CAND2: variants seen among roughly 807,000 people sequenced by gnomAD.
The protein encoded by CAND2 is cullin-associated NEDD8-dissociated protein 2.
In CAND2, 62 loss-of-function variants were observed where a neutral mutation model predicts 98.9. The ratio of observed to expected loss-of-function variants is 0.63; its 90% confidence interval spans 0.51 to 0.77. The LOEUF (loss-of-function observed/expected upper bound fraction) is 0.77, where lower values mean the gene tolerates loss of function less well. Ranked by LOEUF, CAND2 falls within the 30% of genes least tolerant of loss-of-function variation. CAND2 has a pLI of 0.00. For synonymous variants in CAND2, 770 were observed against 731.9 expected (o/e 1.05, Z -0.84); for missense variants, 1,501 against 1,655.2 (o/e 0.91, Z 1.62).
intron 13 of CAND2, among the ~76,000 whole-genome samples, chr3:12,829,647 A>T (rs767606598): frequency 3.3e-4 from 50 of 152,318 alleles, no homozygotes; most frequent in Middle Eastern, 6.8e-3. Context: ...GTTTCTTGGG[A>T]TGATGCACAT....
At chr3:12,811,773 T>A (rs988281094) in intron 5 of CAND2, among the ~76,000 whole-genome samples, 3 of 152,186 alleles carry the variant, frequency 2.0e-5, no homozygotes, top group African/African-American at 7.2e-5. Flanking sequence ...GGTTTAACTA[T>A]GTTGGTTGGC....
chr3:12,807,375 C>T lies in CAND2; in HGVS notation c.282C>T (p.Asn94=), dbSNP rs2061814779. ...VETIVDTLCT[N]MRSDKEQLRD... ...CCATTGTGGACACCCTGTGCACCAA[C>T]ATGCGGTCAGACAAGGAGCAGCTGC... is the stretch of plus-strand genomic sequence containing the variant. The change falls in exon 3 of 15, where the codon AAC becomes AAT. Residue 94 remains asparagine, a synonymous_variant. Transcript: ENST00000456430. 3.9e-6 allele frequency: 6 copies of T among 1,551,736 alleles called. No homozygotes were observed. Among genetic ancestry groups the T allele is most frequent in the Non-Finnish European group, 5.2e-6 (6 of 1,146,988 alleles).
chr3:12,811,344 T>C (rs2061850393), intron 5 of CAND2, among the ~76,000 whole-genome samples: 2 of 152,082 alleles, frequency 1.3e-5, no homozygotes. Flanking sequence ...TGTCTCTTCT[T>C]ATGCTGTAGG....
rs745389970 is a variant in CAND2 at position 12,816,702 on chromosome 3, G to A, written c.1770G>A (p.Arg590=). The A allele has an allele frequency of 6.2e-7, 1 of 1,613,672 alleles. No homozygotes were observed. Among genetic ancestry groups the A allele is most frequent in the Non-Finnish European group, 8.5e-7 (1 of 1,180,030 alleles). ...ATDLDQEVKE[R]AISCMGHLVG... is the part of the protein sequence containing the mutation. ...ACCTGGACCAGGAGGTGAAGGAGCG[G>A]GCCATTTCCTGCATGGGCCACCTTG... The change falls in exon 10 of 15, where the codon CGG becomes CGA. Residue 590 remains arginine, a synonymous_variant. Transcript: ENST00000456430.
intron 7 of CAND2, 48 bp downstream of exon 7, chr3:12,813,436 G>C: frequency 6.3e-7 from 1 of 1,576,180 alleles, no homozygotes; most frequent in Non-Finnish European, 8.6e-7. Flanking sequence ...GGTGAACACA[G>C]CCTTCCTGGG....
At chr3:12,799,080 C>A (rs147650242) in intron 1 of CAND2, among the ~76,000 whole-genome samples, 23 of 152,278 alleles carry the variant, frequency 1.5e-4, no homozygotes, top group African/African-American at 5.1e-4. Flanking sequence ...ATTACCAAGT[C>A]ATTTCTTGAA....
Position 12,817,593 on chromosome 3 carries a change from T to G in CAND2, c.2661T>G (p.Arg887=). The G allele has an allele frequency of 6.2e-7, 1 of 1,613,840 alleles. No individual in the cohort carries two copies. The highest frequency in any genetic ancestry group is 8.5e-7 in the Non-Finnish European group (1 of 1,179,998). Residue 887 remains arginine (R), a synonymous_variant, in exon 10 of 15, where the codon CGT becomes CGG. Transcript: ENST00000456430. ...VRAAASYALG[R]VGAGSLPDFL... ...CTGCAGCCTCGTATGCACTGGGCCGTGTGGGTGCTGGCAGCCTGCCCGACT... is the reference window on the plus strand; with the variant it reads ...CTGCAGCCTCGTATGCACTGGGCCGGGTGGGTGCTGGCAGCCTGCCCGACT...
intron 4 of CAND2, among the ~76,000 whole-genome samples, chr3:12,809,148 C>T (rs1369263552): frequency 1.3e-5 from 2 of 152,014 alleles, no homozygotes; most frequent in East Asian, 1.9e-4. Flanking sequence ...GGAGGCTGAC[C>T]CCTAGGGTTC....
intron 12 of CAND2, among the ~76,000 whole-genome samples, chr3:12,827,184 C>G (rs372056887): frequency 6.6e-6 from 1 of 152,166 alleles, no homozygotes; most frequent in Admixed American, 6.6e-5. Context: ...CGTCATCAGT[C>G]AAGCAGTCAG....
At chr3:12,826,663 C>T (rs768432172) in intron 12 of CAND2, among the ~76,000 whole-genome samples, 16 of 152,092 alleles carry the variant, frequency 1.1e-4, no homozygotes, top group Admixed American at 5.9e-4. Context: ...CCTCCTGCCT[C>T]GGCCTCTCAA....
At chr3:12,830,208 AAAG>A (rs1211969490) in intron 13 of CAND2, among the ~76,000 whole-genome samples, 2 of 152,222 alleles carry the variant, frequency 1.3e-5, no homozygotes, top group African/African-American at 2.4e-5. Flanking sequence ...AAGAAAGAGA[AAAG>A]AAGAAACAAC....
At position 12,815,738 on chromosome 3, in the gene CAND2, G is replaced by A. The variant is rs1051828808; in HGVS notation, c.1300-129G>A. 8 of 902,698 alleles carry A rather than the reference G, an allele frequency of 8.9e-6. No homozygotes were observed. The highest frequency in any genetic ancestry group is 5.2e-5 in the East Asian group (2 of 38,772). 55.9% of individuals were successfully genotyped at this position (902,698 alleles called of 1,614,324 possible). A position where few individuals can be genotyped will look rare whatever the true frequency, so the allele number is the denominator to read the frequency against. The stretch of plus-strand genomic sequence containing the variant: ...AAAAGCCTGGCACAGAGTGAGGGAC[G>A]AGTGCTTGGGAGATATCTTGATGCC... On this transcript the variant is annotated intron_variant, in intron 8 of 14. Transcript: ENST00000456430. This position sits in a 1 kb window ranked among gnomAD's most constrained non-coding sequence, Gnocchi z 5.7.
At chr3:12,821,407 A>T (rs1260777021) in intron 11 of CAND2, among the ~76,000 whole-genome samples, 2 of 144,580 alleles carry the variant, frequency 1.4e-5, no homozygotes, top group Admixed American at 6.8e-5. Flanking sequence ...TCTCATAAAT[A>T]AAAAAAAAGG....
chr3:12,820,774 G>A (rs1397185576), intron 11 of CAND2, among the ~76,000 whole-genome samples: 2 of 152,194 alleles, frequency 1.3e-5, no homozygotes, highest in African/African-American at 4.8e-5. Flanking sequence ...TCAGAGCTTG[G>A]AGCCTGCAGC....
intron 10 of CAND2, among the ~76,000 whole-genome samples, chr3:12,818,268 AAAAAAC>A (rs901324537): frequency 2.6e-5 from 4 of 152,000 alleles, no homozygotes; most frequent in Non-Finnish European, 2.9e-5. Flanking sequence ...CTACCAAAAA[AAAAAAC>A]AAAACAAAAA....
chr3:12,822,298 C>CTTTT (rs532826939), intron 11 of CAND2, among the ~76,000 whole-genome samples: 26 of 131,978 alleles, frequency 2.0e-4, no homozygotes, highest in Admixed American at 3.1e-4. Flanking sequence ...ATGTTTCAAT[C>CTTTT]TTTTTTTTTT....
intron 12 of CAND2, among the ~76,000 whole-genome samples, chr3:12,826,122 A>G (rs755354118): frequency 6.6e-5 from 10 of 152,156 alleles, no homozygotes; most frequent in Non-Finnish European, 8.8e-5. Context: ...TCAACTTTAC[A>G]ATGGTGCAAA....
chr3:12,805,664 T>C (rs2061801371), intron 2 of CAND2, among the ~76,000 whole-genome samples: 2 of 152,194 alleles, frequency 1.3e-5, no homozygotes, highest in African/African-American at 2.4e-5. Flanking sequence ...TCAATTTACC[T>C]GAAAATTGCA....
At chr3:12,819,523 C>T (rs1423256062) in intron 10 of CAND2, among the ~76,000 whole-genome samples, 1 of 152,144 alleles carries the variant, frequency 6.6e-6, no homozygotes, top group Non-Finnish European at 1.5e-5. Flanking sequence ...TAAGCAAGCT[C>T]TCTGTGACCG....
Sources: allele counts gnomAD v4.1 joint callset (sites outside exome capture counted in the v4.1 genomes callset), GRCh38; gene constraint gnomAD v4.1.1; non-coding constraint Gnocchi (gnomAD v3.1); transcripts MANE v1.5; gene names NCBI Gene and HGNC (gene_info 2026-07-23, HGNC 2026-07-21).